The following SPATS2L variants were observed in gnomAD, a reference collection of about 807,000 sequenced individuals.
SPATS2L encodes the protein spermatogenesis associated serine rich 2 like, also known as SPATS2-like protein.
In SPATS2L, 30 loss-of-function variants were observed where a neutral mutation model predicts 59.6. The ratio of observed to expected loss-of-function variants is 0.50; its 90% confidence interval spans 0.38 to 0.68. The LOEUF (loss-of-function observed/expected upper bound fraction) is 0.68. Among genes scored for constraint, SPATS2L ranks in the 30% least tolerant of loss-of-function variants. The probability of loss-of-function intolerance (pLI) is 0.00; values close to 1 mark genes in which losing one functional copy is unlikely to be tolerated. For missense variants in SPATS2L, 615 were observed against 700.0 expected, an observed-to-expected ratio of 0.88 and a Z score of 1.37; for synonymous variants, 252 against 263.5, an observed-to-expected ratio of 0.96 and a Z score of 0.42.
chr2:200,328,658 A>G (rs1482079524), intron 1 of SPATS2L, among the ~76,000 whole-genome samples: 3 of 152,188 alleles, frequency 2.0e-5, no homozygotes, highest in Admixed American at 1.3e-4. Flanking sequence ...TCGTAGGACC[A>G]GTTAGCGGAG....
At chr2:200,326,297 G>A (rs2079739941) in intron 1 of SPATS2L, among the ~76,000 whole-genome samples, 1 of 152,046 alleles carries the variant, frequency 6.6e-6, no homozygotes, top group African/African-American at 2.4e-5. Context: ...TTTTAAGGCT[G>A]TTTTCCATAA....
intron 10 of SPATS2L, among the ~76,000 whole-genome samples, 166 bp downstream of exon 10, chr2:200,467,565 C>T (rs1242572470): frequency 6.6e-6 from 1 of 152,194 alleles, no homozygotes; most frequent in Non-Finnish European, 1.5e-5. Flanking sequence ...CCCACATAAT[C>T]ACTGTGTTTA....
At chr2:200,453,969 C>T (rs966873962) in intron 8 of SPATS2L, among the ~76,000 whole-genome samples, 2 of 152,102 alleles carry the variant, frequency 1.3e-5, no homozygotes, top group Admixed American at 6.5e-5. Flanking sequence ...CTACTGCATG[C>T]GCCTCCTGCT....
At position 200,392,617 on chromosome 2, in the gene SPATS2L, T is replaced by G. The variant is rs190578215; in HGVS notation, c.39+3334T>G. 3.3e-5 allele frequency among the ~76,000 whole-genome samples: 5 copies of G among 152,286 alleles called. No homozygotes were observed. The East Asian group carries it at 9.6e-4, about 29-fold the overall frequency. On this transcript the variant is annotated intron_variant, in intron 3 of 12. Transcript: ENST00000409140. Reference sequence around the variant, plus strand: ...TAGGTACTCAGTACACTCCTGATATTTTTTACTGTTTTTTTCCCAAATATT... The same window carrying G: ...TAGGTACTCAGTACACTCCTGATATGTTTTACTGTTTTTTTCCCAAATATT...
At chr2:200,439,695 A>G (rs1396089787) in intron 7 of SPATS2L, among the ~76,000 whole-genome samples, 9 of 152,196 alleles carry the variant, frequency 5.9e-5, no homozygotes, top group African/African-American at 1.9e-4. Flanking sequence ...CTGATACACA[A>G]TTGCTTGACT....
chr2:200,321,669 G>A (rs529609599), intron 1 of SPATS2L, among the ~76,000 whole-genome samples: 3 of 152,120 alleles, frequency 2.0e-5, no homozygotes, highest in South Asian at 4.1e-4. Flanking sequence ...AGCTGATATC[G>A]TTTACATTAT....
At chr2:200,332,385 C>T (rs1574417585) in intron 2 of SPATS2L, among the ~76,000 whole-genome samples, 1 of 152,126 alleles carries the variant, frequency 6.6e-6, no homozygotes. Flanking sequence ...GCTGGGACCA[C>T]AGGTGCATGC....
chr2:200,470,177 G>A (rs1259205345), intron 11 of SPATS2L, among the ~76,000 whole-genome samples, 161 bp downstream of exon 11: 6 of 152,186 alleles, frequency 3.9e-5, no homozygotes, highest in Non-Finnish European at 8.8e-5. Context: ...CAGAAATGTC[G>A]AGATTTGAAC....
intron 3 of SPATS2L, among the ~76,000 whole-genome samples, chr2:200,403,787 G>A (rs1411415517): frequency 1.3e-5 from 2 of 152,166 alleles, no homozygotes; most frequent in Non-Finnish European, 2.9e-5. Context: ...ACAGATCTGT[G>A]CAGTCCAGCA....
intron 3 of SPATS2L, among the ~76,000 whole-genome samples, 170 bp from the exon 4 acceptor site, chr2:200,412,141 G>T (rs2082896983): frequency 6.6e-6 from 1 of 152,164 alleles, no homozygotes; most frequent in South Asian, 2.1e-4. Flanking sequence ...TTACCAGGAT[G>T]AATTTTCACT....
intron 2 of SPATS2L, among the ~76,000 whole-genome samples, chr2:200,339,425 G>A (rs2080250135): frequency 6.6e-6 from 1 of 152,016 alleles, no homozygotes; most frequent in Non-Finnish European, 1.5e-5. Context: ...TACCCCCTTA[G>A]AATGTCTGAG....
At chr2:200,355,676 G>A (rs745774788) in intron 2 of SPATS2L, among the ~76,000 whole-genome samples, 2 of 152,196 alleles carry the variant, frequency 1.3e-5, no homozygotes, top group Admixed American at 6.5e-5. Context: ...CTTCCATTCC[G>A]TATTCCACTG....
In SPATS2L at chr2:200,470,140, A is replaced by G. The variant is rs555591520; in HGVS notation, c.1060+124A>G. ...CTAACGTGAGGTCTAAAGAGATTTA[A>G]TGATCTAAGCTCATGACACAAGTCA... On this transcript the variant is annotated intron_variant, in intron 11 of 12. Transcript: ENST00000409140. 55 of 688,832 alleles carry G rather than the reference A, an allele frequency of 8.0e-5. No homozygotes were observed. The African/African-American group carries it at 8.7e-4, about 11-fold the overall frequency. 42.7% of individuals were successfully genotyped at this position (688,832 alleles called of 1,614,324 possible).
At chr2:200,339,487 G>A (rs1228145348) in intron 2 of SPATS2L, among the ~76,000 whole-genome samples, 2 of 152,146 alleles carry the variant, frequency 1.3e-5, no homozygotes, top group Non-Finnish European at 2.9e-5. Context: ...AGTCTATGCA[G>A]AGTATTGAAA....
intron 2 of SPATS2L, among the ~76,000 whole-genome samples, chr2:200,381,803 C>T (rs568603423): frequency 5.9e-5 from 9 of 152,292 alleles, no homozygotes; most frequent in Admixed American, 3.3e-4. Context: ...TTAGGATCTA[C>T]GTGATCATAG....
intron 3 of SPATS2L, chr2:200,389,911 T>C (rs1417339790): frequency 2.0e-5 from 3 of 152,358 alleles, no homozygotes; most frequent in Non-Finnish European, 4.4e-5. Context: ...TTGCCACATA[T>C]GCTGCCTTGT....
At chr2:200,358,418 C>T (rs750115534) in intron 2 of SPATS2L, among the ~76,000 whole-genome samples, 3 of 152,156 alleles carry the variant, frequency 2.0e-5, no homozygotes, top group Non-Finnish European at 2.9e-5. Context: ...GCTAAATTAT[C>T]TTAGAGCTAA....
chr2:200,403,953 C>T (rs1364820070), intron 3 of SPATS2L, among the ~76,000 whole-genome samples: 1 of 152,170 alleles, frequency 6.6e-6, no homozygotes, highest in Non-Finnish European at 1.5e-5. Context: ...TAAATTTTCC[C>T]CTTCACAATC....
chr2:200,405,942 T>C (rs1171319171), intron 3 of SPATS2L, among the ~76,000 whole-genome samples: 1 of 152,230 alleles, frequency 6.6e-6, no homozygotes, highest in Non-Finnish European at 1.5e-5. Flanking sequence ...AGCTTTTTAA[T>C]AGTGTGTAAT....
Sources: gnomAD v4.1 joint callset for allele counts (sites outside exome capture counted in the v4.1 genomes callset) on GRCh38, gnomAD v4.1.1 for gene constraint, MANE v1.5 for transcripts, NCBI Gene and HGNC (gene_info 2026-07-23, HGNC 2026-07-21) for gene names.